Variants in PDXDC1 observed in about 807,000 individuals in gnomAD.
PDXDC1 encodes pyridoxal-dependent decarboxylase domain-containing protein 1.
Under a neutral mutation model 100.1 loss-of-function variants are expected in PDXDC1, and 42 were observed. That is an observed-to-expected ratio of 0.42 (90% CI 0.33 to 0.54). The LOEUF (loss-of-function observed/expected upper bound fraction) is 0.54. Ranked by LOEUF, PDXDC1 falls within the 20% of genes least tolerant of loss-of-function variation. PDXDC1 has a pLI of 0.10. For missense variants in PDXDC1, 636 were observed against 979.2 expected (o/e 0.65, Z 4.68); for synonymous variants, 260 against 371.7 (o/e 0.70, Z 3.46).
intron 16 of PDXDC1, chr16:15,062,006 G>A (rs1482993180): frequency 8.6e-6 from 10 of 1,163,770 alleles, no homozygotes; most frequent in Non-Finnish European, 1.1e-5. Flanking sequence ...TAAAGATGGT[G>A]AAGAAAATAT....
At chr16:15,006,734 A>T in intron 6 of PDXDC1, 151 bp downstream of exon 6, 1 of 790,870 alleles carries the variant, frequency 1.3e-6, no homozygotes, top group Non-Finnish European at 1.8e-6. Context: ...AAAATTACTG[A>T]ATTTAGAAAT....
At chr16:15,086,537 A>C in intron 16 of PDXDC1, 1 of 1,576,044 alleles carries the variant, frequency 6.3e-7, no homozygotes, top group Non-Finnish European at 8.6e-7. Context: ...TCAATCATTT[A>C]TCAAGAATAG....
intron 8 of PDXDC1, among the ~76,000 whole-genome samples, chr16:15,015,202 G>T (rs553203890): frequency 1.4e-4 from 22 of 152,342 alleles, no homozygotes; most frequent in African/African-American, 5.3e-4. Flanking sequence ...GGGCCTCCCA[G>T]AGTGCTGGGA....
the PDXDC1 span, among the ~76,000 whole-genome samples, chr16:15,151,394 C>G: frequency 7.8e-6 from 1 of 128,806 alleles, no homozygotes; most frequent in African/African-American, 2.8e-5. Flanking sequence ...CACTGCACTG[C>G]GGCCTGGAGA....
chr16:15,030,246 C>G (rs1028507945), intron 16 of PDXDC1, among the ~76,000 whole-genome samples, 190 bp downstream of exon 16: 1 of 152,212 alleles, frequency 6.6e-6, no homozygotes, highest in Non-Finnish European at 1.5e-5. Context: ...AATGAGAATT[C>G]AGAAGTCACC....
At chr16:15,073,294 A>G (rs1397283221) in intron 16 of PDXDC1, among the ~76,000 whole-genome samples, 2 of 152,128 alleles carry the variant, frequency 1.3e-5, no homozygotes, top group African/African-American at 4.8e-5. Context: ...CTCTGTCTCT[A>G]CAAAAAATCA....
chr16:14,978,268 C>T (rs1967149012), intron 1 of PDXDC1, among the ~76,000 whole-genome samples: 1 of 152,300 alleles, frequency 6.6e-6, no homozygotes, highest in South Asian at 2.1e-4. Context: ...GAACAAGGCC[C>T]TGTAGCAGAG....
At chr16:15,033,548 G>T in intron 19 of PDXDC1, 149 bp downstream of exon 19, 1 of 916,926 alleles carries the variant, frequency 1.1e-6, no homozygotes. Flanking sequence ...CTTGTGCCAG[G>T]TGTCAGAGAT....
chr16:14,988,252 A>C, intron 1 of PDXDC1: 1 of 1,613,652 alleles, frequency 6.2e-7, no homozygotes, highest in East Asian at 2.2e-5. Flanking sequence ...CAGGACTGTT[A>C]GTTCACTCAG....
At chr16:15,103,614 A>G (rs371359737) in intron 16 of PDXDC1, among the ~76,000 whole-genome samples, 1,942 of 137,878 alleles carry the variant, frequency 0.014, 4 homozygotes, top group African/African-American at 0.038. Flanking sequence ...AGCGATTCTC[A>G]TGCCTCAGCC....
intron 1 of PDXDC1, among the ~76,000 whole-genome samples, chr16:14,995,399 C>A (rs1172444573): frequency 6.6e-6 from 1 of 152,272 alleles, no homozygotes; most frequent in African/African-American, 2.4e-5. Flanking sequence ...TTGAGATAAT[C>A]GTATGGTTTT....
chr16:15,123,034 G>A (rs1412972915), intron 16 of PDXDC1, among the ~76,000 whole-genome samples: 3 of 150,926 alleles, frequency 2.0e-5, no homozygotes, highest in Non-Finnish European at 3.0e-5. Context: ...AACAGGACAC[G>A]CGGGGCAAGG....
the PDXDC1 span, among the ~76,000 whole-genome samples, chr16:15,147,253 C>G: frequency 6.6e-6 from 1 of 152,164 alleles, no homozygotes; most frequent in Admixed American, 6.5e-5. Flanking sequence ...ACATCCCAGC[C>G]CGACTCGGAA....
chr16:15,094,275 C>G (rs1192468541), intron 16 of PDXDC1: 3 of 1,427,874 alleles, frequency 2.1e-6, no homozygotes, highest in Admixed American at 2.0e-5. Flanking sequence ...GGCCGGATGC[C>G]CAGCTCCTTC....
chr16:15,143,919 C>T (rs1023431428), downstream of PDXDC1, among the ~76,000 whole-genome samples: 9 of 152,198 alleles, frequency 5.9e-5, no homozygotes, highest in South Asian at 2.1e-4. Context: ...CAGCGGCGGG[C>T]GTGTGCCAGG....
At chr16:15,128,601 A>C (rs558134841) in intron 16 of PDXDC1, among the ~76,000 whole-genome samples, 1 of 152,240 alleles carries the variant, frequency 6.6e-6, no homozygotes, top group South Asian at 2.1e-4. Context: ...AGTTACATGG[A>C]AAGAACTGTA....
intron 16 of PDXDC1, among the ~76,000 whole-genome samples, chr16:15,098,332 C>T (rs534570582): frequency 2.1e-4 from 32 of 151,236 alleles, no homozygotes; most frequent in Non-Finnish European, 4.6e-4. Context: ...TCCTGAGTAG[C>T]TGGGACTACA....
At chr16:14,990,735 A>G in intron 1 of PDXDC1, among the ~76,000 whole-genome samples, 1 of 152,254 alleles carries the variant, frequency 6.6e-6, no homozygotes, top group East Asian at 1.9e-4. Context: ...AGCAAGAATG[A>G]TTTATTTATT....
intron 1 of PDXDC1, among the ~76,000 whole-genome samples, chr16:14,992,166 C>T (rs1970996530): frequency 1.3e-5 from 2 of 152,286 alleles, no homozygotes; most frequent in African/African-American, 2.4e-5. Flanking sequence ...GTCCCATTGT[C>T]CCCATAAATA....
Sources: allele counts gnomAD v4.1 joint callset (sites outside exome capture counted in the v4.1 genomes callset), GRCh38; gene constraint gnomAD v4.1.1; transcripts MANE v1.5; gene names NCBI Gene and HGNC (gene_info 2026-07-23, HGNC 2026-07-21).